EVI5: variants seen among roughly 807,000 people sequenced by gnomAD.
EVI5 encodes the protein ecotropic viral integration site 5.
In EVI5, 73 loss-of-function variants were observed where a neutral mutation model predicts 112.0. The ratio of observed to expected loss-of-function variants is 0.65; its 90% CI spans 0.54 to 0.79. The LOEUF (loss-of-function observed/expected upper bound fraction) is 0.79. EVI5 is among the 30% of genes least tolerant of loss of function. EVI5 has a pLI of 0.00. For synonymous variants in EVI5, 305 were observed against 319.9 expected (o/e 0.95, Z 0.50); for missense variants, 900 against 968.8 (o/e 0.93, Z 0.94).
rs199499708 is a variant in EVI5, at chr1:92,736,588, G to A, written c.-42C>T. On this transcript the variant is annotated 5_prime_UTR_variant, in exon 2 of 20. Transcript: ENST00000684568. ...GATACTGTGTTCTTCACCCATGAGA[G>A]AGTAGAGCTCAGCTTTTCTGCAACT... The A allele has an allele frequency of 2.5e-6, 4 of 1,614,042 alleles. No individual in the cohort carries two copies. Among genetic ancestry groups the A allele is most frequent in the Non-Finnish European group, 3.4e-6 (4 of 1,179,930 alleles).
At chr1:92,688,378 A>G (rs1558075865) in intron 9 of EVI5, among the ~76,000 whole-genome samples, 1 of 152,140 alleles carries the variant, frequency 6.6e-6, no homozygotes, top group Non-Finnish European at 1.5e-5. Context: ...AAGTATAATA[A>G]TAATAATAAA....
At chr1:92,774,197 T>C (rs1255200534) in intron 1 of EVI5, among the ~76,000 whole-genome samples, 2 of 152,224 alleles carry the variant, frequency 1.3e-5, no homozygotes, top group African/African-American at 2.4e-5. Context: ...TCATTTTCAA[T>C]TTACTTCAAG....
Position 92,665,984 on chromosome 1 carries a change from G to A in EVI5, c.1167C>T (p.Arg389=), listed in dbSNP as rs781703273. The A allele has an allele frequency of 2.5e-6, 4 of 1,598,054 alleles. No homozygotes were observed. The highest frequency in any genetic ancestry group is 3.4e-6 in the Non-Finnish European group (4 of 1,173,980). ...MEEQVEIKRL[R]TENRLLKQRI... is the part of the protein sequence containing the mutation. Reference sequence around the variant, plus strand: ...GCTGTTTTAAAAGTCTATTTTCTGTGCGTAACCTCTGCCAAGAAAAAAAAA... The same window carrying A: ...GCTGTTTTAAAAGTCTATTTTCTGTACGTAACCTCTGCCAAGAAAAAAAAA... Residue 389 remains arginine (R), a synonymous_variant, in exon 11 of 20, where the codon CGC becomes CGT. Coordinates refer to ENST00000684568, the MANE Select transcript of EVI5 (RefSeq NM_001350197.2).
At chr1:92,750,644 A>G (rs1431273318) in intron 1 of EVI5, among the ~76,000 whole-genome samples, 1 of 152,188 alleles carries the variant, frequency 6.6e-6, no homozygotes, top group Non-Finnish European at 1.5e-5. Context: ...TCCTTTGGCT[A>G]TAATAAATGT....
chr1:92,770,597 T>C (rs565165006), intron 1 of EVI5, among the ~76,000 whole-genome samples: 3 of 152,126 alleles, frequency 2.0e-5, no homozygotes, highest in East Asian at 2.0e-4. Flanking sequence ...AAGACCATCC[T>C]GGCTAACACA....
intron 14 of EVI5, among the ~76,000 whole-genome samples, chr1:92,626,806 T>C (rs1423490162): frequency 2.0e-5 from 3 of 152,190 alleles, no homozygotes; most frequent in African/African-American, 7.2e-5. Flanking sequence ...AGCATGAACA[T>C]CATTTACTTT....
At chr1:92,780,849 TA>T (rs1684768574) in intron 1 of EVI5, among the ~76,000 whole-genome samples, 3 of 147,966 alleles carry the variant, frequency 2.0e-5, no homozygotes, top group African/African-American at 2.6e-5. Flanking sequence ...AAAAAAAAAG[TA>T]AATTTTTTTT....
chr1:92,518,312 A>G (rs1373449089), intron 19 of EVI5, among the ~76,000 whole-genome samples: 1 of 152,200 alleles, frequency 6.6e-6, no homozygotes, highest in Non-Finnish European at 1.5e-5. Flanking sequence ...GTAAAAACAA[A>G]AAGTATTATA....
At chr1:92,568,865 T>C (rs1376961256) in intron 18 of EVI5, among the ~76,000 whole-genome samples, 2 of 152,248 alleles carry the variant, frequency 1.3e-5, no homozygotes, top group African/African-American at 2.4e-5. Context: ...CTATGATGCA[T>C]GTAACATACG....
At chr1:92,781,954 C>CAAA (rs36036236) in intron 1 of EVI5, among the ~76,000 whole-genome samples, 1 of 47,036 alleles carries the variant, frequency 2.1e-5, no homozygotes, top group Non-Finnish European at 3.5e-5. Context: ...GATTCTGTCT[C>CAAA]AAAAAAAAAA....
intron 16 of EVI5, among the ~76,000 whole-genome samples, chr1:92,614,742 A>C (rs1652636960): frequency 6.6e-6 from 1 of 150,676 alleles, no homozygotes; most frequent in South Asian, 2.1e-4. Flanking sequence ...GGATCTTGCG[A>C]TCGTGTAAGT....
intron 13 of EVI5, among the ~76,000 whole-genome samples, chr1:92,641,806 G>A (rs1660028289): frequency 6.6e-6 from 1 of 152,142 alleles, no homozygotes; most frequent in Non-Finnish European, 1.5e-5. Flanking sequence ...CAATACTGTT[G>A]TACTATTTAA....
At chr1:92,713,589 A>G (rs1056842009) in intron 2 of EVI5, among the ~76,000 whole-genome samples, 2 of 152,008 alleles carry the variant, frequency 1.3e-5, no homozygotes, top group Non-Finnish European at 2.9e-5. Flanking sequence ...CAGCCTGGCT[A>G]ACATGGTGAA....
chr1:92,624,134 G>A (rs938890263), intron 16 of EVI5, 42 bp downstream of exon 16: 2 of 1,521,398 alleles, frequency 1.3e-6, no homozygotes, highest in Non-Finnish European at 1.8e-6. Flanking sequence ...CCCTTGATCA[G>A]CTAATGATAC....
intron 13 of EVI5, among the ~76,000 whole-genome samples, chr1:92,638,102 C>T (rs1437055633): frequency 6.6e-6 from 1 of 152,100 alleles, no homozygotes; most frequent in Admixed American, 6.5e-5. Context: ...ACTTAAAGCC[C>T]TGGCAACTGT....
chr1:92,597,017 A>G (rs1287472478), intron 18 of EVI5, among the ~76,000 whole-genome samples: 1 of 152,216 alleles, frequency 6.6e-6, no homozygotes, highest in African/African-American at 2.4e-5. Context: ...ACTATAAGGC[A>G]GATAGCTTTA....
intron 18 of EVI5, among the ~76,000 whole-genome samples, chr1:92,597,572 A>C (rs1244857216): frequency 6.6e-6 from 1 of 152,266 alleles, no homozygotes; most frequent in Non-Finnish European, 1.5e-5. Context: ...CTAATAATAA[A>C]AGAACATATA....
intron 14 of EVI5, among the ~76,000 whole-genome samples, chr1:92,631,232 T>C (rs1657007758): frequency 1.3e-5 from 2 of 152,186 alleles, no homozygotes; most frequent in South Asian, 2.1e-4. Flanking sequence ...CATTGGTAGC[T>C]TGATGGGGAT....
intron 9 of EVI5, among the ~76,000 whole-genome samples, chr1:92,690,382 T>A (rs7546197): frequency 6.7e-6 from 1 of 150,350 alleles, no homozygotes; most frequent in Non-Finnish European, 1.5e-5. Flanking sequence ...AGGGTCTCAC[T>A]CTATTGCCAA....
Sources: gnomAD v4.1 joint callset for allele counts (sites outside exome capture counted in the v4.1 genomes callset) on GRCh38, gnomAD v4.1.1 for gene constraint, MANE v1.5 for transcripts, NCBI Gene and HGNC (gene_info 2026-07-23, HGNC 2026-07-21) for gene names.